Variants in CTNNA3 observed in about 807,000 individuals in gnomAD.
The protein encoded by CTNNA3 is catenin alpha-3.
CTNNA3 carries 76 observed loss-of-function variants against 95.7 expected under a neutral mutation model. That is an observed-to-expected ratio of 0.79 (90% CI 0.66 to 0.96). CTNNA3 has a LOEUF of 0.96. Ranked by LOEUF, CTNNA3 falls within the 40% of genes least tolerant of loss-of-function variation. The pLI, the probability that CTNNA3 is intolerant of heterozygous loss-of-function variation, is 0.00. For synonymous variants in CTNNA3, 431 were observed against 374.4 expected, an observed-to-expected ratio of 1.15 and a Z score of -1.74; for missense variants, 1,191 against 1,089.8, an observed-to-expected ratio of 1.09 and a Z score of -1.31.
chr10:66,390,267 G>C (rs984420883), intron 11 of CTNNA3, among the ~76,000 whole-genome samples: 3 of 152,014 alleles, frequency 2.0e-5, no homozygotes, highest in Admixed American at 2.0e-4. Context: ...TCCTGAAGTG[G>C]GACTTTGAAT....
intron 11 of CTNNA3, among the ~76,000 whole-genome samples, chr10:66,383,883 G>A (rs1426953142): frequency 6.6e-6 from 1 of 152,138 alleles, no homozygotes; most frequent in African/African-American, 2.4e-5. Flanking sequence ...ACCCTGTACA[G>A]ACAAGCAAAT....
intron 16 of CTNNA3, among the ~76,000 whole-genome samples, chr10:65,968,116 G>A (rs1457779741): frequency 1.3e-5 from 2 of 152,142 alleles, no homozygotes; most frequent in African/African-American, 2.4e-5. Flanking sequence ...AATGCCAGAC[G>A]CAGTGGCTCA....
chr10:67,546,877 T>C (rs1198137605), intron 3 of CTNNA3, among the ~76,000 whole-genome samples: 2 of 152,232 alleles, frequency 1.3e-5, no homozygotes, highest in African/African-American at 4.8e-5. Flanking sequence ...ACTTAAATTA[T>C]ACTATGATGA....
At chr10:67,705,728 T>A (rs1841074440) in intron 1 of CTNNA3, among the ~76,000 whole-genome samples, 1 of 149,002 alleles carries the variant, frequency 6.7e-6, no homozygotes, top group African/African-American at 2.5e-5. Flanking sequence ...TGTATACATA[T>A]GTAACTAACC....
At chr10:67,500,229 T>C (rs1839184899) in intron 5 of CTNNA3, among the ~76,000 whole-genome samples, 1 of 152,220 alleles carries the variant, frequency 6.6e-6, no homozygotes, top group African/African-American at 2.4e-5. Flanking sequence ...AGTTTCCTCG[T>C]AGTTGTGCAG....
At chr10:67,076,482 TA>T (rs1856758617) in intron 7 of CTNNA3, among the ~76,000 whole-genome samples, 1 of 152,210 alleles carries the variant, frequency 6.6e-6, no homozygotes, top group South Asian at 2.1e-4. Context: ...TCCAAGAATC[TA>T]TTTCCAGGAC....
At chr10:66,405,434 T>C (rs970740631) in intron 11 of CTNNA3, among the ~76,000 whole-genome samples, 1 of 152,178 alleles carries the variant, frequency 6.6e-6, no homozygotes, top group African/African-American at 2.4e-5. Flanking sequence ...TGCTAAATGA[T>C]TGTAGTCAAC....
intron 7 of CTNNA3, among the ~76,000 whole-genome samples, chr10:66,862,221 A>C (rs1166413315): frequency 6.6e-6 from 1 of 152,128 alleles, no homozygotes; most frequent in Non-Finnish European, 1.5e-5. Context: ...CTCAAAAAGA[A>C]AAAAACAAAA....
chr10:67,507,476 G>A (rs759110014), intron 5 of CTNNA3, among the ~76,000 whole-genome samples: 2 of 151,234 alleles, frequency 1.3e-5, no homozygotes, highest in Non-Finnish European at 2.9e-5. Context: ...AGAGGTTTCA[G>A]TGAACTGAGA....
intron 5 of CTNNA3, among the ~76,000 whole-genome samples, chr10:67,443,775 T>G (rs975513562): frequency 1.3e-5 from 2 of 152,160 alleles, no homozygotes; most frequent in Non-Finnish European, 2.9e-5. Flanking sequence ...TAGTTTCTTT[T>G]GCTGTGCAGG....
chr10:67,470,053 AC>A (rs1350335368), intron 5 of CTNNA3, among the ~76,000 whole-genome samples: 2 of 152,012 alleles, frequency 1.3e-5, no homozygotes, highest in African/African-American at 2.4e-5. Flanking sequence ...TTTCTAACTA[AC>A]TTTTTGTACC....
Position 67,283,736 on chromosome 10 carries a change from C to T in CTNNA3, c.580-63866G>A, listed in dbSNP as rs984798994. ...ACTTTTTAATAAACTTTCACTCCTC[C>T]TCCAAAACTTGTCTGGGTCTCTCAC... On this transcript the variant is annotated intron_variant, in intron 5 of 17. Transcript: ENST00000433211. Among the ~76,000 whole-genome samples, 7 of 152,306 alleles carry T rather than the reference C, an allele frequency of 4.6e-5. No individual in the cohort carries two copies. The South Asian group carries it at 1.0e-3, about 23-fold the overall frequency.
intron 10 of CTNNA3, among the ~76,000 whole-genome samples, chr10:66,542,398 CA>C (rs1841886907): frequency 6.6e-6 from 1 of 152,026 alleles, no homozygotes; most frequent in Non-Finnish European, 1.5e-5. Context: ...GGTATATACC[CA>C]AAGGAATATA....
chr10:66,717,494 C>G (rs1564636842), intron 9 of CTNNA3, among the ~76,000 whole-genome samples: 1 of 151,992 alleles, frequency 6.6e-6, no homozygotes, highest in Non-Finnish European at 1.5e-5. Context: ...TATCACAGCG[C>G]TTTTTGAGGC....
chr10:67,046,813 C>T (rs1036893991), intron 7 of CTNNA3, among the ~76,000 whole-genome samples: 2 of 152,052 alleles, frequency 1.3e-5, no homozygotes, highest in African/African-American at 4.8e-5. Flanking sequence ...GAATGCATGG[C>T]CCATAATCGA....
At chr10:66,504,870 G>A (rs767027314) in intron 11 of CTNNA3, among the ~76,000 whole-genome samples, 2 of 152,058 alleles carry the variant, frequency 1.3e-5, no homozygotes, top group Non-Finnish European at 2.9e-5. Context: ...ACAATTCTAA[G>A]CAAATTGTTT....
chr10:66,363,260 G>T (rs968181465), intron 12 of CTNNA3, among the ~76,000 whole-genome samples: 13 of 152,314 alleles, frequency 8.5e-5, no homozygotes, highest in South Asian at 2.1e-4. Flanking sequence ...CTGAATGTTT[G>T]TGTCCCTCTC....
intron 3 of CTNNA3, among the ~76,000 whole-genome samples, chr10:67,542,060 T>C (rs1003204920): frequency 6.6e-6 from 1 of 152,164 alleles, no homozygotes; most frequent in Non-Finnish European, 1.5e-5. Context: ...TTCTTGTCTT[T>C]GTTAAAGGAA....
chr10:67,515,209 A>T (rs1470481757), intron 5 of CTNNA3, among the ~76,000 whole-genome samples: 1 of 152,236 alleles, frequency 6.6e-6, no homozygotes, highest in Non-Finnish European at 1.5e-5. Flanking sequence ...CTGTAACTAT[A>T]GAAAAACAAA....
Sources: gnomAD v4.1 joint callset for allele counts (sites outside exome capture counted in the v4.1 genomes callset) on GRCh38, gnomAD v4.1.1 for gene constraint, MANE v1.5 for transcripts, NCBI Gene and HGNC (gene_info 2026-07-23, HGNC 2026-07-21) for gene names.